The following ABL1 variants were observed in gnomAD, a reference collection of about 807,000 sequenced individuals.
ABL1 encodes tyrosine-protein kinase ABL1.
Under a neutral mutation model 94.7 loss-of-function variants are expected in ABL1, and 11 were observed. The observed-to-expected ratio is 0.12, with a 90% confidence interval of 0.07 to 0.19. The LOEUF (loss-of-function observed/expected upper bound fraction) is 0.19, where lower values mean the gene tolerates loss of function less well. ABL1 is among the 10% of genes least tolerant of loss of function. ABL1 has a pLI of 1.00. For missense variants in ABL1, 1,082 were observed against 1,489.4 expected (o/e 0.73, Z 4.50); for synonymous variants, 656 against 622.4 (o/e 1.05, Z -0.80).
chr9:130,841,473 C>T (rs573536177), intron 1 of ABL1, among the ~76,000 whole-genome samples: 262 of 152,176 alleles, frequency 1.7e-3, no homozygotes, highest in Non-Finnish European at 2.5e-3. Context: ...CCGTCCTGGG[C>T]CATATGCAGC....
At chr9:130,820,811 T>C (rs1830350683) in intron 1 of ABL1, among the ~76,000 whole-genome samples, 1 of 152,232 alleles carries the variant, frequency 6.6e-6, no homozygotes, top group Non-Finnish European at 1.5e-5. Flanking sequence ...TTTTCCCCTT[T>C]TTTATTAGCA....
At chr9:130,774,526 A>G (rs981197163) in intron 1 of ABL1, among the ~76,000 whole-genome samples, 9 of 152,160 alleles carry the variant, frequency 5.9e-5, no homozygotes, top group Non-Finnish European at 1.5e-5. Flanking sequence ...TTGGCAGAAT[A>G]TTTAAAAAAG....
intron 4 of ABL1, among the ~76,000 whole-genome samples, chr9:130,868,398 G>A (rs1437450702): frequency 6.6e-6 from 1 of 152,158 alleles, no homozygotes; most frequent in Non-Finnish European, 1.5e-5. Context: ...AAACAGATGT[G>A]GAAACTGATC....
At chr9:130,784,542 A>G (rs893655822) in intron 1 of ABL1, among the ~76,000 whole-genome samples, 5 of 152,178 alleles carry the variant, frequency 3.3e-5, no homozygotes, top group African/African-American at 1.2e-4. Context: ...CCCCATTAAA[A>G]ACCAGCATCT....
chr9:130,741,398 C>G (rs766136380), intron 1 of ABL1, among the ~76,000 whole-genome samples: 13 of 152,046 alleles, frequency 8.6e-5, no homozygotes, highest in Non-Finnish European at 1.5e-4. Context: ...AGTTACCACA[C>G]TGATATACCA....
At chr9:130,802,282 CAG>C (rs1209265728) in intron 1 of ABL1, among the ~76,000 whole-genome samples, 1 of 152,020 alleles carries the variant, frequency 6.6e-6, no homozygotes, top group African/African-American at 2.4e-5. Context: ...TTACTAGAAA[CAG>C]AGTCTTGCCA....
intron 1 of ABL1, among the ~76,000 whole-genome samples, chr9:130,745,440 G>T (rs1294976242): frequency 1.3e-5 from 2 of 151,420 alleles, no homozygotes; most frequent in Non-Finnish European, 2.9e-5. Context: ...GCATAATAGA[G>T]CGCCTGCTGT....
At chr9:130,835,008 C>A (rs990684887), upstream of ABL1, 2 of 351,520 alleles carry the variant, frequency 5.7e-6, no homozygotes, top group African/African-American at 2.2e-5. The surrounding 1 kb of genome is among the most constrained non-coding windows in gnomAD (Gnocchi z 4.6). Context: ...CCTGCACCCT[C>A]CCCGCCGGGG....
Position 130,880,390 on chromosome 9 carries a change from T to A in ABL1, c.1514-110T>A, listed in dbSNP as rs1326314846. 7.4e-7 allele frequency: 1 copy of A among 1,345,182 alleles called. No individual in the cohort carries two copies. The highest frequency in any genetic ancestry group is 1.5e-5 in the African/African-American group (1 of 68,690). The allele number at this position is 1,345,182 out of a possible 1,614,324, so 83.3% of individuals were successfully genotyped here. A position where few individuals can be genotyped will look rare whatever the true frequency, so the allele number is the denominator to read the frequency against. ...GGTATCCACGTGCCTTTTCTTTAGT[T>A]GTATGCAGATGAGCACTGTTACCTT... On this transcript the variant is annotated intron_variant, in intron 9 of 10. Transcript: ENST00000318560. This position sits in a 1 kb window ranked among gnomAD's most constrained non-coding sequence, Gnocchi z 4.4.
intron 1 of ABL1, among the ~76,000 whole-genome samples, chr9:130,730,662 C>T (rs866321166): frequency 1.3e-5 from 2 of 151,952 alleles, no homozygotes; most frequent in Non-Finnish European, 2.9e-5. Flanking sequence ...ACCTTGACCT[C>T]CTGGGCTCAA....
At chr9:130,714,009 T>C (rs1050044120) in exon 1 of ABL1, 3 of 288,030 alleles carry the variant, frequency 1.0e-5, no homozygotes, top group African/African-American at 2.1e-5. Context: ...TATTTCTGTT[T>C]AGGTTTTTCT....
chr9:130,736,725 A>T (rs1029571324), intron 1 of ABL1, among the ~76,000 whole-genome samples: 1 of 152,214 alleles, frequency 6.6e-6, no homozygotes, highest in African/African-American at 2.4e-5. Context: ...TTCCGATCTC[A>T]GGTGATCTGC....
rs369518012 is a variant in ABL1, at chr9:130,885,278, G to A, written c.2988G>A (p.Gln996=). Reference sequence around the variant, plus strand: ...CATCCTCGGCCCTGGCAGGGGACCAGCCGTCTTCCACCGCCTTCATCCCTC... The same window carrying A: ...CATCCTCGGCCCTGGCAGGGGACCAACCGTCTTCCACCGCCTTCATCCCTC... The part of the protein sequence containing the change: ...PSASSALAGD[Q]PSSTAFIPLI... The change falls in exon 11 of 11, where the codon CAG becomes CAA. Residue 996 remains glutamine (Q), a synonymous_variant. Coordinates refer to ENST00000318560, the MANE Select transcript of ABL1 (RefSeq NM_005157.6). The A allele has an allele frequency of 7.4e-6, 12 of 1,613,674 alleles. No homozygotes were observed. The highest frequency in any genetic ancestry group is 3.3e-5 in the Admixed American group (2 of 60,014).
At chr9:130,836,626 C>T (rs975172394) in intron 1 of ABL1, among the ~76,000 whole-genome samples, 1 of 151,932 alleles carries the variant, frequency 6.6e-6, no homozygotes, top group African/African-American at 2.4e-5. Context: ...GATTTCGAGA[C>T]CAGCCTGGCC....
At chr9:130,796,167 C>T (rs926854766) in intron 1 of ABL1, among the ~76,000 whole-genome samples, 7 of 151,600 alleles carry the variant, frequency 4.6e-5, no homozygotes, top group African/African-American at 1.7e-4. Context: ...AGTGAGACTC[C>T]GTCTCAAAAA....
chr9:130,782,957 C>T (rs142488105), intron 1 of ABL1, among the ~76,000 whole-genome samples: 43 of 152,336 alleles, frequency 2.8e-4, no homozygotes, highest in African/African-American at 1.0e-3. Flanking sequence ...TACATAGAAA[C>T]ATTTCCCTTT....
At chr9:130,808,243 TCTTC>T (rs1480535371) in intron 1 of ABL1, among the ~76,000 whole-genome samples, 3,575 of 124,022 alleles carry the variant, frequency 0.029, 182 homozygotes, top group African/African-American at 0.11. Flanking sequence ...TTCTTCTTCT[TCTTC>T]TTTTTTTTTT....
intron 1 of ABL1, among the ~76,000 whole-genome samples, chr9:130,797,383 TTTTTG>T (rs1480054714): frequency 1.3e-5 from 2 of 152,168 alleles, no homozygotes; most frequent in African/African-American, 2.4e-5. Context: ...GTTTGTTTTG[TTTTTG>T]TTTTGAGACA....
chr9:130,775,020 A>C (rs181678130), intron 1 of ABL1, among the ~76,000 whole-genome samples: 1 of 152,312 alleles, frequency 6.6e-6, no homozygotes, highest in Non-Finnish European at 1.5e-5. Flanking sequence ...CCTTCTTTTA[A>C]ACTTTGTTTG....
Sources: allele counts gnomAD v4.1 joint callset (sites outside exome capture counted in the v4.1 genomes callset), GRCh38; gene constraint gnomAD v4.1.1; non-coding constraint Gnocchi (gnomAD v3.1); transcripts MANE v1.5; gene names NCBI Gene and HGNC (gene_info 2026-07-23, HGNC 2026-07-21).